The following AKR7A3 variants were observed in gnomAD, a reference collection of about 807,000 sequenced individuals.
AKR7A3 encodes the protein AFB1 aldehyde reductase 2.
In AKR7A3, 37 loss-of-function variants were observed where a neutral mutation model predicts 32.5. The ratio of observed to expected loss-of-function variants is 1.14; its 90% CI spans 0.88 to 1.50. AKR7A3 has a LOEUF of 1.50. AKR7A3 is among the 40% of genes most tolerant of loss of function. The pLI is 0.00. For synonymous variants in AKR7A3, 177 were observed against 188.4 expected (o/e 0.94, Z 0.50); for missense variants, 412 against 453.2 (o/e 0.91, Z 0.83).
chr1:19,286,089 A>G (rs1558132189), intron 2 of AKR7A3, 96 bp downstream of exon 2: 29 of 1,588,480 alleles, frequency 1.8e-5, no homozygotes, highest in Non-Finnish European at 2.2e-5. Context: ...TCCCTGCTCC[A>G]CCCTGGAACA....
chr1:19,281,643 A>T (rs866754206), downstream of AKR7A3, among the ~76,000 whole-genome samples: 3 of 143,454 alleles, frequency 2.1e-5, no homozygotes, highest in African/African-American at 4.9e-5. Context: ...TCAAAAAATT[A>T]AAAAAATAAA....
At chr1:19,279,259 T>A (rs1172389798), downstream of AKR7A3, among the ~76,000 whole-genome samples, 1 of 152,000 alleles carries the variant, frequency 6.6e-6, no homozygotes, top group Non-Finnish European at 1.5e-5. Flanking sequence ...ACTTTTTTAT[T>A]ATTTTTTTTA....
chr1:19,279,536 A>C (rs2093715829), downstream of AKR7A3, among the ~76,000 whole-genome samples: 1 of 151,930 alleles, frequency 6.6e-6, no homozygotes, highest in African/African-American at 2.4e-5. Context: ...ACCATTTTAC[A>C]TTCCCACCAT....
Position 19,285,458 on chromosome 1 carries a change from G to A in AKR7A3, c.508-344C>T, listed in dbSNP as rs2093727965. 2.0e-5 allele frequency among the ~76,000 whole-genome samples: 3 copies of A among 151,602 alleles called. No homozygotes were observed. In the South Asian group the frequency reaches 6.2e-4, roughly 31 times the overall value. ...AATAGACTAGAAAGTTCTGTGACCA[G>A]TGCCTGGCACCAAGCAGGTGTGCAA... On this transcript the variant is annotated intron_variant, in intron 3 of 6. Coordinates refer to ENST00000361640, the MANE Select transcript of AKR7A3 (RefSeq NM_012067.3).
chr1:19,288,450 G>A (rs1290675442), intron 1 of AKR7A3, 46 bp downstream of exon 1: 8 of 1,594,658 alleles, frequency 5.0e-6, no homozygotes, highest in Non-Finnish European at 6.8e-6. Context: ...CTGTGGACAG[G>A]CTCAGCTCTG....
chr1:19,285,866 C>T (rs2093728672), intron 3 of AKR7A3, 22 bp downstream of exon 3: 2 of 1,613,302 alleles, frequency 1.2e-6, no homozygotes, highest in Admixed American at 3.3e-5. Flanking sequence ...GAGACCTTGG[C>T]CTCTGCAGCC....
In AKR7A3 at chr1:19,284,906, T is replaced by A. The variant is rs995890011; in HGVS notation, c.604+112A>T. 19 of 1,570,766 alleles carry A rather than the reference T, an allele frequency of 1.2e-5. No homozygotes were observed. The African/African-American group carries it at 2.2e-4, about 18-fold the overall frequency. On this transcript the variant is annotated intron_variant, in intron 4 of 6. Transcript: ENST00000361640. ...GAGGGCTGAAGATGCAGCCTTTACG[T>A]CTTTGACCTCAGAGGTCAAAGTTTG...
downstream of AKR7A3, among the ~76,000 whole-genome samples, chr1:19,281,480 A>G (rs1475486128): frequency 3.3e-5 from 5 of 151,624 alleles, no homozygotes; most frequent in Admixed American, 2.0e-4. Flanking sequence ...CTACAAAAAT[A>G]CAAAAATTAA....
At chr1:19,281,768 C>A (rs2093719213), downstream of AKR7A3, among the ~76,000 whole-genome samples, 2 of 152,060 alleles carry the variant, frequency 1.3e-5, no homozygotes, top group African/African-American at 4.8e-5. Flanking sequence ...TGGAAGCCCA[C>A]CCCTTGCACC....
chr1:19,276,145 G>A, the AKR7A3 span, among the ~76,000 whole-genome samples: 2 of 150,304 alleles, frequency 1.3e-5, no homozygotes, highest in South Asian at 2.1e-4. Flanking sequence ...GGTGGATCAC[G>A]AGGTCAGGAG....
intron 6 of AKR7A3, among the ~76,000 whole-genome samples, chr1:19,283,143 G>T (rs867066735): frequency 6.7e-6 from 1 of 148,472 alleles, no homozygotes; most frequent in Non-Finnish European, 1.5e-5. Context: ...GTGTAAACGC[G>T]GCTAAGTTAT....
At chr1:19,276,117 C>T in the AKR7A3 span, among the ~76,000 whole-genome samples, 1 of 151,814 alleles carries the variant, frequency 6.6e-6, no homozygotes, top group East Asian at 1.9e-4. Flanking sequence ...AATCCCAGCA[C>T]TTTGGGAGGC....
downstream of AKR7A3, among the ~76,000 whole-genome samples, chr1:19,279,530 T>A (rs2093715819): frequency 6.6e-6 from 1 of 151,928 alleles, no homozygotes; most frequent in African/African-American, 2.4e-5. Context: ...GGTTGTACCA[T>A]TTTACATTCC....
intron 6 of AKR7A3, among the ~76,000 whole-genome samples, chr1:19,283,213 A>AT (rs1309997333): frequency 4.1e-4 from 62 of 149,446 alleles, no homozygotes; most frequent in African/African-American, 1.4e-3. Context: ...GGTGTGAAAA[A>AT]TTATGTAGAG....
downstream of AKR7A3, among the ~76,000 whole-genome samples, chr1:19,281,220 G>T (rs1295089215): frequency 1.3e-5 from 2 of 151,714 alleles, no homozygotes. Context: ...TAGTTTTGTA[G>T]TAAGTTCTGA....
intron 6 of AKR7A3, among the ~76,000 whole-genome samples, chr1:19,283,514 C>T (rs889234458): frequency 7.9e-5 from 12 of 151,972 alleles, no homozygotes; most frequent in Admixed American, 6.5e-4. Context: ...ATTACAAAGC[C>T]TGGCACTCAG....
the AKR7A3 span, among the ~76,000 whole-genome samples, chr1:19,276,360 CAAA>C: frequency 9.0e-6 from 1 of 111,352 alleles, no homozygotes; most frequent in African/African-American, 3.6e-5. Flanking sequence ...GACTCCATCT[CAAA>C]AAAAAAAAAA....
rs1406451674 is a variant in AKR7A3, at chr1:19,288,347, C to T, written c.214+149G>A. 7 of 1,010,640 alleles carry T rather than the reference C, an allele frequency of 6.9e-6. No homozygotes were observed. In the South Asian group the frequency reaches 1.0e-4, roughly 15 times the overall value. The allele number at this position is 1,010,640 out of a possible 1,614,324, so 62.6% of individuals were successfully genotyped here. On this transcript the variant is annotated intron_variant, in intron 1 of 6. Coordinates refer to ENST00000361640, the MANE Select transcript of AKR7A3 (RefSeq NM_012067.3). ...AGACGTGCCTAAGGAGCCTGGTGTTCCCAAGGCTGCGAGGTGAACAGGGGT... is the reference window on the plus strand; with the variant it reads ...AGACGTGCCTAAGGAGCCTGGTGTTTCCAAGGCTGCGAGGTGAACAGGGGT...
chr1:19,286,675 AAAAC>A (rs1227109649), intron 1 of AKR7A3, among the ~76,000 whole-genome samples: 14 of 151,944 alleles, frequency 9.2e-5, no homozygotes, highest in African/African-American at 1.9e-4. Flanking sequence ...GACTTCTCAA[AAAAC>A]AAACAAACAA....
Sources: allele counts gnomAD v4.1 joint callset (sites outside exome capture counted in the v4.1 genomes callset), GRCh38; gene constraint gnomAD v4.1.1; transcripts MANE v1.5; gene names NCBI Gene and HGNC (gene_info 2026-07-23, HGNC 2026-07-21).